MED13: variants seen among roughly 807,000 people sequenced by gnomAD.
MED13 encodes mediator complex subunit 13.
Under a neutral mutation model 225.2 loss-of-function variants are expected in MED13, and 23 were observed. That is an observed-to-expected ratio of 0.10 (90% CI 0.07 to 0.14). MED13 has a LOEUF of 0.14. MED13 is among the 10% of genes least tolerant of loss of function. The pLI, the probability that MED13 is intolerant of heterozygous loss-of-function variation, is 1.00. For synonymous variants in MED13, 942 were observed against 889.2 expected, an observed-to-expected ratio of 1.06 and a Z score of -1.06; for missense variants, 2,197 against 2,594.5, an observed-to-expected ratio of 0.85 and a Z score of 3.33.
At chr17:62,029,731 A>G (rs1178491471) in intron 7 of MED13, 80 bp from the exon 8 acceptor site, 11 of 1,518,846 alleles carry the variant, frequency 7.2e-6, no homozygotes, top group Non-Finnish European at 9.9e-6. Flanking sequence ...AATTAATTTT[A>G]AAGATCAACA....
chr17:61,977,252 G>A (rs985536067), intron 16 of MED13, among the ~76,000 whole-genome samples: 2 of 152,122 alleles, frequency 1.3e-5, no homozygotes, highest in Non-Finnish European at 2.9e-5. Flanking sequence ...AGAACAAGAA[G>A]AAGGGTTTGC....
intron 9 of MED13, among the ~76,000 whole-genome samples, chr17:62,009,219 G>A (rs1264665272): frequency 2.0e-5 from 3 of 152,106 alleles, no homozygotes; most frequent in African/African-American, 7.2e-5. Context: ...GACTATAAAT[G>A]TATTAATAAC....
chr17:61,964,938 G>GAA, intron 20 of MED13, 68 bp downstream of exon 20: 3 of 1,404,402 alleles, frequency 2.1e-6, no homozygotes, highest in Non-Finnish European at 2.9e-6. Flanking sequence ...TGTGTCTCAA[G>GAA]AAAAAAAAAG....
chr17:61,954,936 A>G (rs1350627984), intron 26 of MED13, among the ~76,000 whole-genome samples: 1 of 152,196 alleles, frequency 6.6e-6, no homozygotes, highest in Non-Finnish European at 1.5e-5. Flanking sequence ...ATTTTCTTAC[A>G]GTTCTGGAGG....
chr17:62,062,333 G>A (rs893254846), intron 2 of MED13, among the ~76,000 whole-genome samples: 1 of 152,048 alleles, frequency 6.6e-6, no homozygotes, highest in Admixed American at 6.6e-5. Flanking sequence ...TTCTAAAGTA[G>A]CATTTGGTCC....
At chr17:61,963,451 T>A (rs777492220) in intron 20 of MED13, among the ~76,000 whole-genome samples, 3 of 152,020 alleles carry the variant, frequency 2.0e-5, no homozygotes, top group Non-Finnish European at 2.9e-5. Flanking sequence ...TTTCAGACTC[T>A]CTCTCTCTAT....
chr17:62,006,583 T>C (rs1567972889), intron 9 of MED13: 1 of 151,880 alleles, frequency 6.6e-6, no homozygotes, highest in Non-Finnish European at 1.5e-5. Context: ...AAGCTCTACC[T>C]ATATACAACA....
chr17:61,988,299 C>T (rs1234503206), intron 11 of MED13, among the ~76,000 whole-genome samples: 3 of 152,114 alleles, frequency 2.0e-5, no homozygotes, highest in Admixed American at 6.6e-5. Context: ...ATTTTATTTT[C>T]CTACCCTCTC....
In MED13 at chr17:61,971,906, C is replaced by G. The variant is rs575366231; in HGVS notation, c.3967+821G>C. On this transcript the variant is annotated intron_variant, in intron 17 of 29. Coordinates refer to ENST00000397786, the MANE Select transcript of MED13 (RefSeq NM_005121.3). ...CCAAGACGGCGCCAGTGCACTCCAG[C>G]CTGGGCGACAAAGCGAGACTCTGTC... is the stretch of plus-strand genomic sequence containing the variant. Among the ~76,000 whole-genome samples, 4 of 152,074 alleles carry G rather than the reference C, an allele frequency of 2.6e-5. No homozygotes were observed. In the East Asian group the frequency reaches 7.7e-4, roughly 29 times the overall value.
At chr17:62,038,006 T>A (rs533336830) in intron 3 of MED13, among the ~76,000 whole-genome samples, 1 of 144,590 alleles carries the variant, frequency 6.9e-6, no homozygotes. Context: ...CTAGGAGACC[T>A]GAATTTTATA....
chr17:62,051,359 G>A (rs2080955366), intron 3 of MED13, among the ~76,000 whole-genome samples: 1 of 152,148 alleles, frequency 6.6e-6, no homozygotes. Flanking sequence ...GAAAACTCTG[G>A]GGAACTTTGA....
chr17:62,037,686 CAA>C (rs1292110749), intron 3 of MED13, among the ~76,000 whole-genome samples: 3 of 128,756 alleles, frequency 2.3e-5, no homozygotes, highest in South Asian at 2.4e-4. Flanking sequence ...AAAAAAAAGA[CAA>C]AGAGGCCTGT....
At chr17:61,969,212 G>A (rs566224289) in intron 17 of MED13, among the ~76,000 whole-genome samples, 21 of 152,068 alleles carry the variant, frequency 1.4e-4, no homozygotes, top group African/African-American at 4.6e-4. Context: ...AAAATTAGCC[G>A]GGCATGGTGG....
At chr17:61,947,211 T>A (rs74421209) in intron 28 of MED13, among the ~76,000 whole-genome samples, 194 bp from the exon 29 acceptor site, 1 of 151,490 alleles carries the variant, frequency 6.6e-6, no homozygotes, top group African/African-American at 2.4e-5. Flanking sequence ...TTTTTTTTTT[T>A]AAGTAGGGGC....
At chr17:62,021,372 C>A (rs1396673256) in intron 8 of MED13, among the ~76,000 whole-genome samples, 1 of 146,494 alleles carries the variant, frequency 6.8e-6, no homozygotes, top group African/African-American at 2.5e-5. Flanking sequence ...GGGGGCTGAC[C>A]CCTCCCCACC....
At chr17:62,030,089 A>C in intron 6 of MED13, 76 bp from the exon 7 acceptor site, 1 of 1,250,352 alleles carries the variant, frequency 8.0e-7, no homozygotes, top group Non-Finnish European at 1.1e-6. Flanking sequence ...GTTTTTTATT[A>C]ATTTGTGATA....
intron 3 of MED13, among the ~76,000 whole-genome samples, chr17:62,051,315 C>T (rs916451866): frequency 3.3e-5 from 5 of 152,140 alleles, no homozygotes; most frequent in Non-Finnish European, 4.4e-5. Flanking sequence ...GTGCAACACA[C>T]GGGAGGACCA....
At chr17:61,957,729 TCTATA>T (rs2079960020) in intron 23 of MED13, among the ~76,000 whole-genome samples, 1 of 152,164 alleles carries the variant, frequency 6.6e-6, no homozygotes, top group Admixed American at 6.5e-5. Flanking sequence ...CAATCCCTGT[TCTATA>T]CTATAAGTTG....
intron 7 of MED13, 46 bp from the exon 8 acceptor site, chr17:62,029,697 T>C (rs2080736384): frequency 1.9e-6 from 3 of 1,569,008 alleles, no homozygotes; most frequent in African/African-American, 1.4e-5. Context: ...TAAAATTTTC[T>C]ATCAAACCTC....
Sources: allele counts gnomAD v4.1 joint callset (sites outside exome capture counted in the v4.1 genomes callset), GRCh38; gene constraint gnomAD v4.1.1; transcripts MANE v1.5; gene names NCBI Gene and HGNC (gene_info 2026-07-23, HGNC 2026-07-21).